The following MAGI2 variants were observed in gnomAD, a reference collection of about 807,000 sequenced individuals.
MAGI2 encodes membrane-associated guanylate kinase, WW and PDZ domain-containing protein 2.
A neutral mutation model predicts 133.3 loss-of-function variants in MAGI2; 35 were observed. That is an observed-to-expected ratio of 0.26 (90% CI 0.20 to 0.35). The LOEUF (loss-of-function observed/expected upper bound fraction) is 0.35, where lower values mean the gene tolerates loss of function less well. Among genes scored for constraint, MAGI2 ranks in the 10% least tolerant of loss-of-function variants. The pLI is 1.00. For missense variants in MAGI2, 1,636 were observed against 1,863.4 expected, an observed-to-expected ratio of 0.88 and a Z score of 2.25; for synonymous variants, 729 against 710.6, an observed-to-expected ratio of 1.03 and a Z score of -0.41.
chr7:79,242,258 A>G (rs1004743716), intron 1 of MAGI2, among the ~76,000 whole-genome samples: 8 of 152,180 alleles, frequency 5.3e-5, no homozygotes, highest in East Asian at 1.9e-4. Flanking sequence ...ATGTATATAT[A>G]TATCATAACA....
At chr7:78,227,702 G>A (rs1272846318) in intron 10 of MAGI2, among the ~76,000 whole-genome samples, 1 of 152,130 alleles carries the variant, frequency 6.6e-6, no homozygotes, top group Admixed American at 6.6e-5. Flanking sequence ...TCACAGGCAT[G>A]AGTGAAATAG....
At chr7:78,556,690 C>G (rs934349153) in intron 3 of MAGI2, among the ~76,000 whole-genome samples, 1 of 152,130 alleles carries the variant, frequency 6.6e-6, no homozygotes, top group East Asian at 1.9e-4. Context: ...TTCACATATT[C>G]CCATTTCCAT....
chr7:78,310,981 CAA>C (rs1798653341), intron 9 of MAGI2, among the ~76,000 whole-genome samples: 1 of 152,122 alleles, frequency 6.6e-6, no homozygotes, highest in African/African-American at 2.4e-5. Flanking sequence ...GATGAGATAA[CAA>C]ATAATGGTCA....
intron 2 of MAGI2, among the ~76,000 whole-genome samples, chr7:78,957,808 C>A (rs2115706697): frequency 6.6e-6 from 1 of 152,244 alleles, no homozygotes; most frequent in Non-Finnish European, 1.5e-5. Context: ...CTGTTGCTAC[C>A]TCTCAACATG....
intron 1 of MAGI2, among the ~76,000 whole-genome samples, chr7:79,295,067 A>G (rs1836827617): frequency 6.6e-6 from 1 of 152,108 alleles, no homozygotes; most frequent in Non-Finnish European, 1.5e-5. Flanking sequence ...AGTGGTTGAA[A>G]TTAATGAAAT....
At chr7:79,015,971 T>G (rs1808668577) in intron 1 of MAGI2, among the ~76,000 whole-genome samples, 1 of 120,148 alleles carries the variant, frequency 8.3e-6, no homozygotes, top group Admixed American at 1.0e-4. Context: ...GGGAGTTATT[T>G]CTAGCCCTCA....
chr7:79,426,898 A>G (rs1251885592), intron 1 of MAGI2, among the ~76,000 whole-genome samples: 2 of 152,124 alleles, frequency 1.3e-5, no homozygotes, highest in Non-Finnish European at 2.9e-5. Context: ...ACTTTTGAAA[A>G]TTAGGGCACT....
At chr7:78,773,203 G>T (rs1825726001) in intron 2 of MAGI2, among the ~76,000 whole-genome samples, 1 of 152,022 alleles carries the variant, frequency 6.6e-6, no homozygotes, top group Admixed American at 6.6e-5. Flanking sequence ...CAACTTTCAG[G>T]CTCCAAGCTA....
In MAGI2 at chr7:78,661,257, A is replaced by G. The variant is rs1186332794; in HGVS notation, c.419-34018T>C. On this transcript the variant is annotated intron_variant, in intron 2 of 21. Coordinates refer to ENST00000354212, the MANE Select transcript of MAGI2 (RefSeq NM_012301.4). ...CTAGTCCTCACTTCTTGCTATTCTT[A>G]TTTTTCATTAATCTTGTCTATTTTT... 4.7e-5 allele frequency among the ~76,000 whole-genome samples: 7 copies of G among 148,098 alleles called. No homozygotes were observed. The Admixed American group carries it at 4.8e-4, about 10-fold the overall frequency.
At chr7:78,233,845 G>A (rs1186616213) in intron 10 of MAGI2, among the ~76,000 whole-genome samples, 1 of 152,086 alleles carries the variant, frequency 6.6e-6, no homozygotes, top group African/African-American at 2.4e-5. Flanking sequence ...ATTTTCTTTT[G>A]AAGCCAGAGG....
intron 1 of MAGI2, among the ~76,000 whole-genome samples, chr7:79,252,451 G>C (rs1833379600): frequency 6.6e-6 from 1 of 152,164 alleles, no homozygotes; most frequent in African/African-American, 2.4e-5. Flanking sequence ...GGGAAGAATA[G>C]TTGGGGGTGA....
At chr7:79,362,122 A>T (rs1168878229) in intron 1 of MAGI2, among the ~76,000 whole-genome samples, 2 of 149,460 alleles carry the variant, frequency 1.3e-5, no homozygotes, top group Non-Finnish European at 3.0e-5. Context: ...TCAATAAAAC[A>T]CATAGCTTTT....
At chr7:78,551,118 T>C (rs776470539) in intron 3 of MAGI2, among the ~76,000 whole-genome samples, 8 of 152,240 alleles carry the variant, frequency 5.3e-5, no homozygotes, top group Non-Finnish European at 8.8e-5. Flanking sequence ...GTTCATTTGA[T>C]TCCAGATTCA....
At chr7:78,798,601 A>G (rs1046330501) in intron 2 of MAGI2, among the ~76,000 whole-genome samples, 4 of 152,034 alleles carry the variant, frequency 2.6e-5, no homozygotes, top group Admixed American at 6.6e-5. Context: ...GTCTTTGGGA[A>G]CCGGGCTTCA....
At chr7:79,184,398 CA>C (rs1826885010) in intron 1 of MAGI2, among the ~76,000 whole-genome samples, 1 of 150,140 alleles carries the variant, frequency 6.7e-6, no homozygotes, top group Admixed American at 6.7e-5. Flanking sequence ...ACCTGTTTCC[CA>C]AAAACGTATT....
intron 7 of MAGI2, among the ~76,000 whole-genome samples, chr7:78,359,878 C>A (rs1367593624): frequency 6.6e-6 from 1 of 152,198 alleles, no homozygotes; most frequent in Non-Finnish European, 1.5e-5. Flanking sequence ...CCAAACCATT[C>A]ATTTAACAAA....
chr7:78,916,026 A>T (rs1448041034), intron 2 of MAGI2, among the ~76,000 whole-genome samples: 1 of 152,112 alleles, frequency 6.6e-6, no homozygotes, highest in East Asian at 1.9e-4. Context: ...AGAGAGATGG[A>T]TTATGCATAA....
At chr7:78,928,969 T>C (rs1238517706) in intron 2 of MAGI2, among the ~76,000 whole-genome samples, 1 of 152,032 alleles carries the variant, frequency 6.6e-6, no homozygotes, top group Non-Finnish European at 1.5e-5. Flanking sequence ...GCCCTATAAA[T>C]TATTAAATGC....
At chr7:78,298,130 A>AATC (rs1797475525) in intron 9 of MAGI2, among the ~76,000 whole-genome samples, 2 of 152,208 alleles carry the variant, frequency 1.3e-5, no homozygotes, top group South Asian at 4.1e-4. Flanking sequence ...GTCTCAGTAT[A>AATC]ATCATGAGCA....
Sources: allele counts gnomAD v4.1 joint callset (sites outside exome capture counted in the v4.1 genomes callset), GRCh38; gene constraint gnomAD v4.1.1; transcripts MANE v1.5; gene names NCBI Gene and HGNC (gene_info 2026-07-23, HGNC 2026-07-21).